PDIK1L: variants seen among roughly 807,000 people sequenced by gnomAD.
The protein encoded by PDIK1L is PDLIM1 interacting kinase 1 like.
Under a neutral mutation model 27.1 loss-of-function variants are expected in PDIK1L, and 9 were observed. That is an observed-to-expected ratio of 0.33 (90% CI 0.20 to 0.58). PDIK1L has a LOEUF of 0.58. Ranked by LOEUF, PDIK1L falls within the 20% of genes least tolerant of loss-of-function variation. PDIK1L has a pLI of 0.86. For missense variants in PDIK1L, 216 were observed against 413.2 expected, an observed-to-expected ratio of 0.52 and a Z score of 4.14; for synonymous variants, 130 against 141.7, an observed-to-expected ratio of 0.92 and a Z score of 0.59.
intron 2 of PDIK1L, among the ~76,000 whole-genome samples, chr1:26,119,452 A>T (rs574518915): frequency 6.6e-6 from 1 of 152,034 alleles, no homozygotes; most frequent in Admixed American, 6.5e-5. Flanking sequence ...TATATATATA[A>T]TTGTCTAAAA....
At chr1:26,119,143 T>TA (rs1483597489) in intron 2 of PDIK1L, among the ~76,000 whole-genome samples, 1 of 152,090 alleles carries the variant, frequency 6.6e-6, no homozygotes, top group Non-Finnish European at 1.5e-5. Flanking sequence ...CGCAGTGGCT[T>TA]ACGCCTGCAA....
chr1:26,111,422 T>C (rs1467466062), upstream of PDIK1L: 5 of 151,362 alleles, frequency 3.3e-5, no homozygotes, highest in Non-Finnish European at 7.4e-5. The surrounding 1 kb of genome is among the most constrained non-coding windows in gnomAD (Gnocchi z 4.0). Context: ...CGCAGCTCGG[T>C]AGGTCGGAAG....
intron 1 of PDIK1L, among the ~76,000 whole-genome samples, chr1:26,113,487 G>A (rs1320293918): frequency 1.5e-5 from 2 of 134,618 alleles, no homozygotes; most frequent in Non-Finnish European, 3.1e-5. Flanking sequence ...GCGAGAGAGC[G>A]AGACTCCGTC....
At chr1:26,111,563 C>G (rs1026054673), upstream of PDIK1L, 9 of 151,446 alleles carry the variant, frequency 5.9e-5, no homozygotes, top group African/African-American at 2.2e-4. The surrounding 1 kb of genome is among the most constrained non-coding windows in gnomAD (Gnocchi z 4.0). Flanking sequence ...CGAGCCCCGG[C>G]GTGGCGTGGC....
Position 26,122,104 on chromosome 1 carries a change from A to G in PDIK1L, c.553A>G (p.Thr185Ala). 3.7e-6 allele frequency: 6 copies of G among 1,613,980 alleles called. No individual in the cohort carries two copies. Among genetic ancestry groups the G allele is most frequent in the Non-Finnish European group, 5.1e-6 (6 of 1,179,986 alleles). Residue 185 changes from threonine to alanine, a missense_variant, in exon 3 of 3, where the codon ACC becomes GCC. Thr to Ala is a moderately conservative substitution (Grantham distance 58, BLOSUM62 0). Coordinates refer to ENST00000374269, the MANE Select transcript of PDIK1L (RefSeq NM_152835.5). The surrounding 1 kb of genome is among the most constrained non-coding windows in gnomAD (Gnocchi z 5.4). ...GTTGGATACCAGTGACTTGGAACCT[A>G]CCCTCAAAGTGGCTGATTTTGGTCT... The part of the protein sequence containing the change: ...TRLDTSDLEP[T>A]LKVADFGLSK...
intron 2 of PDIK1L, among the ~76,000 whole-genome samples, chr1:26,116,126 C>T (rs1165829326): frequency 6.6e-6 from 1 of 151,908 alleles, no homozygotes; most frequent in East Asian, 1.9e-4. Context: ...TCTCTTGAAT[C>T]CAGGAGGCAG....
rs1281539730 is a variant in PDIK1L at position 26,123,417 on chromosome 1, A to C, written c.*840A>C. The C allele has an allele frequency of 6.6e-6, 1 of 152,588 alleles. No individual in the cohort carries two copies. Among genetic ancestry groups the C allele is most frequent in the African/African-American group, 2.4e-5 (1 of 41,434 alleles). The allele number at this position is 152,588 out of a possible 1,614,324, so 9.5% of individuals were successfully genotyped here. A position where few individuals can be genotyped will look rare whatever the true frequency, so the allele number is the denominator to read the frequency against. On this transcript the variant is annotated 3_prime_UTR_variant, in exon 3 of 3. Transcript: ENST00000374269. ...TTTATTTAACCAACTATACCACTGC[A>C]TTGGGACGTCTGCACTTGAGCTTCT...
In PDIK1L at chr1:26,123,535, C is replaced by T. The variant is rs2088028693; in HGVS notation, c.*958C>T. On this transcript the variant is annotated 3_prime_UTR_variant, in exon 3 of 3. Coordinates refer to ENST00000374269, the MANE Select transcript of PDIK1L (RefSeq NM_152835.5). ...ACTTGATACATTTTTGGTTTGAAGACTTTGTCTAAGCCTCATTATACTGAA... is the reference window on the plus strand; with the variant it reads ...ACTTGATACATTTTTGGTTTGAAGATTTTGTCTAAGCCTCATTATACTGAA... 1 of 152,618 alleles carries T rather than the reference C, an allele frequency of 6.6e-6. No homozygotes were observed. The highest frequency in any genetic ancestry group is 6.6e-5 in the Admixed American group (1 of 15,260). 9.5% of individuals were successfully genotyped at this position (152,618 alleles called of 1,614,324 possible). A position where few individuals can be genotyped will look rare whatever the true frequency, so the allele number is the denominator to read the frequency against.
intron 2 of PDIK1L, among the ~76,000 whole-genome samples, chr1:26,118,507 C>G (rs538393270): frequency 5.9e-5 from 9 of 152,294 alleles, no homozygotes; most frequent in African/African-American, 2.2e-4. Context: ...GCCTGATAGA[C>G]TTGTGTTTCA....
intron 2 of PDIK1L, among the ~76,000 whole-genome samples, chr1:26,121,364 T>G (rs1178193137): frequency 6.6e-6 from 1 of 152,248 alleles, no homozygotes; most frequent in Non-Finnish European, 1.5e-5. Context: ...CATTTTTCTC[T>G]CGATTTCACA....
At position 26,122,741 on chromosome 1, in the gene PDIK1L, C is replaced by A; in HGVS notation, c.*164C>A. ...CTCATTTTTCTTAAATCCAAGTTGG[C>A]CGTTTTATTAGTATGTTTCAAATGT... On this transcript the variant is annotated 3_prime_UTR_variant, in exon 3 of 3. Coordinates refer to ENST00000374269, the MANE Select transcript of PDIK1L (RefSeq NM_152835.5). The surrounding 1 kb of genome is among the most constrained non-coding windows in gnomAD (Gnocchi z 5.4). 1.2e-6 allele frequency: 1 copy of A among 807,936 alleles called. No homozygotes were observed. The highest frequency in any genetic ancestry group is 1.8e-6 in the Non-Finnish European group (1 of 568,284). The allele number at this position is 807,936 out of a possible 1,614,324, so 50.0% of individuals were successfully genotyped here. A position where few individuals can be genotyped will look rare whatever the true frequency, so the allele number is the denominator to read the frequency against.
chr1:26,122,476 A>C lies in PDIK1L; in HGVS notation c.925A>C (p.Lys309Gln). The change falls in exon 3 of 3, where the codon AAG (lysine) becomes CAG (glutamine). Residue 309 changes from lysine to glutamine, a missense_variant. Around this residue, in one of 2 missense-constraint regions of PDIK1L, gnomAD observed 169 missense variants for 366.0 expected, o/e 0.46. Coordinates refer to ENST00000374269, the MANE Select transcript of PDIK1L (RefSeq NM_152835.5). The surrounding 1 kb of genome is among the most constrained non-coding windows in gnomAD (Gnocchi z 5.4). ...GAATGGGCGAATGAAACAACTGATT[A>C]AGGAAATGCTGGCTGCAAACCCTCA... is the stretch of plus-strand genomic sequence containing the variant. The part of the protein sequence containing the change: ...SMNGRMKQLI[K>Q]EMLAANPQDR... 6.2e-7 allele frequency: 1 copy of C among 1,614,186 alleles called. No homozygotes were observed. The highest frequency in any genetic ancestry group is 8.5e-7 in the Non-Finnish European group (1 of 1,180,022).
intron 1 of PDIK1L, chr1:26,112,761 A>G (rs2087818073): frequency 6.6e-6 from 1 of 152,280 alleles, no homozygotes; most frequent in Non-Finnish European, 1.5e-5. Context: ...CTCAGGCTCT[A>G]GGGTCAGTAG....
rs902423275 is a variant in PDIK1L at position 26,125,283 on chromosome 1, G to GT, written c.*2712dup. On this transcript the variant is annotated 3_prime_UTR_variant, in exon 3 of 3. Coordinates refer to ENST00000374269, the MANE Select transcript of PDIK1L (RefSeq NM_152835.5). ...ACAGAATAGTTCTTTCTGCTGGTCT[G>GT]TTTTTTCTCTTCGTTGTTGTTGTTT... 4 of 152,678 alleles carry GT rather than the reference G, an allele frequency of 2.6e-5. No homozygotes were observed. Among genetic ancestry groups the GT allele is most frequent in the Non-Finnish European group, 5.9e-5 (4 of 67,998 alleles). The allele number at this position is 152,678 out of a possible 1,614,324, so 9.5% of individuals were successfully genotyped here.
upstream of PDIK1L, chr1:26,111,185 G>GCGCCGC (rs1004399727): frequency 4.8e-3 from 756 of 157,340 alleles, 5 homozygotes; most frequent in African/African-American, 0.016. This position sits in a 1 kb window ranked among gnomAD's most constrained non-coding sequence, Gnocchi z 4.0. Flanking sequence ...ACCCAGCCCC[G>GCGCCGC]CGCCGCCGCC....
At position 26,120,429 on chromosome 1, in the gene PDIK1L, G is replaced by C. The variant is rs374122426; in HGVS notation, c.286-1408G>C. On this transcript the variant is annotated intron_variant, in intron 2 of 2. Transcript: ENST00000374269. ...TCTCACTGGCAAACATGTGCAACAA[G>C]GAAAACTCATGCAAAAGAGATATCT... 7.0e-4 allele frequency among the ~76,000 whole-genome samples: 106 copies of C among 152,312 alleles called. 1 individual carries two copies. The South Asian group carries it at 0.011, about 15-fold the overall frequency.
At chr1:26,119,027 C>T (rs1295224115) in intron 2 of PDIK1L, among the ~76,000 whole-genome samples, 3 of 152,154 alleles carry the variant, frequency 2.0e-5, no homozygotes, top group Non-Finnish European at 2.9e-5. Context: ...ACCTAGTGGC[C>T]AGTCTGTGTA....
chr1:26,122,666 C>T lies in PDIK1L; in HGVS notation c.*89C>T, dbSNP rs940630246. 7.6e-6 allele frequency: 11 copies of T among 1,450,084 alleles called. No homozygotes were observed. Among genetic ancestry groups the T allele is most frequent in the Non-Finnish European group, 9.2e-6 (10 of 1,086,110 alleles). 89.8% of individuals were successfully genotyped at this position (1,450,084 alleles called of 1,614,324 possible). The stretch of plus-strand genomic sequence containing the variant: ...TGTGGCTGAAAAAGAATATAAAAAG[C>T]TAGACTCTACCCTCTAAGGGTTTAG... On this transcript the variant is annotated 3_prime_UTR_variant, in exon 3 of 3. Coordinates refer to ENST00000374269, the MANE Select transcript of PDIK1L (RefSeq NM_152835.5). The surrounding 1 kb of genome is among the most constrained non-coding windows in gnomAD (Gnocchi z 5.4).
chr1:26,115,971 C>A (rs1326589774), intron 2 of PDIK1L, among the ~76,000 whole-genome samples: 2 of 152,068 alleles, frequency 1.3e-5, no homozygotes, highest in Non-Finnish European at 2.9e-5. Context: ...GAGGCCGAGG[C>A]AGGCGGATCA....
Sources: allele counts gnomAD v4.1 joint callset (sites outside exome capture counted in the v4.1 genomes callset), GRCh38; gene constraint gnomAD v4.1.1; regional missense constraint gnomAD v4.1.1; non-coding constraint Gnocchi (gnomAD v3.1); transcripts MANE v1.5; gene names NCBI Gene and HGNC (gene_info 2026-07-23, HGNC 2026-07-21).